Variants in PSAT1 observed in about 807,000 individuals in gnomAD.
PSAT1 encodes phosphoserine aminotransferase.
A neutral mutation model predicts 40.3 loss-of-function variants in PSAT1; 41 were observed. The ratio of observed to expected loss-of-function variants is 1.02; its 90% confidence interval spans 0.79 to 1.32. The LOEUF (loss-of-function observed/expected upper bound fraction) is 1.32. Among genes scored for constraint, PSAT1 ranks in the 40% most tolerant of loss-of-function variants. The probability of loss-of-function intolerance (pLI) is 0.00; values close to 1 mark genes in which losing one functional copy is unlikely to be tolerated. For synonymous variants in PSAT1, 147 were observed against 170.5 expected (o/e 0.86, Z 1.07); for missense variants, 406 against 455.8 (o/e 0.89, Z 0.99).
chr9:78,326,724 C>T (rs569640949), intron 7 of PSAT1, among the ~76,000 whole-genome samples: 142 of 151,728 alleles, frequency 9.4e-4, no homozygotes, highest in African/African-American at 3.3e-3. Flanking sequence ...TTCACTTGCT[C>T]GTAGTTTTTT....
chr9:78,302,291 C>A (rs577942548), intron 3 of PSAT1, among the ~76,000 whole-genome samples: 3 of 152,088 alleles, frequency 2.0e-5, no homozygotes, highest in Non-Finnish European at 4.4e-5. Context: ...AGCACTGTGG[C>A]AGTTAAACTG....
intron 1 of PSAT1, 118 bp from the exon 2 acceptor site, chr9:78,300,484 G>T: frequency 7.7e-7 from 1 of 1,298,482 alleles, no homozygotes; most frequent in Non-Finnish European, 1.0e-6. Context: ...GGGTGGGGAT[G>T]GAAGCCTGGG....
At chr9:78,313,173 C>T (rs566058033) in intron 6 of PSAT1, among the ~76,000 whole-genome samples, 1 of 152,278 alleles carries the variant, frequency 6.6e-6, no homozygotes, top group East Asian at 1.9e-4. Flanking sequence ...CGAGACCAGC[C>T]TGGCCAACAT....
chr9:78,325,825 A>G (rs1828489819), intron 7 of PSAT1, among the ~76,000 whole-genome samples: 1 of 152,194 alleles, frequency 6.6e-6, no homozygotes, highest in Admixed American at 6.5e-5. Flanking sequence ...CACTTTTATG[A>G]CATTATTGCT....
intron 6 of PSAT1, among the ~76,000 whole-genome samples, chr9:78,309,157 C>T (rs1347100324): frequency 6.6e-6 from 1 of 152,082 alleles, no homozygotes; most frequent in East Asian, 1.9e-4. Flanking sequence ...TTTGTTTGGT[C>T]TTGGTAATCC....
At chr9:78,317,543 ATT>A in intron 6 of PSAT1, 131 bp from the exon 7 acceptor site, 1 of 1,140,682 alleles carries the variant, frequency 8.8e-7, no homozygotes, top group East Asian at 2.4e-5. Flanking sequence ...GAGCCACTGC[ATT>A]TGACTATCTT....
intron 2 of PSAT1, 48 bp downstream of exon 2, chr9:78,300,710 CT>C (rs753207413): frequency 0.17 from 183,064 of 1,057,346 alleles, 69 homozygotes; most frequent in Non-Finnish European, 0.18. Flanking sequence ...TCAAAGGAAG[CT>C]TTTTTTTTTT....
chr9:78,297,330 G>C (rs1233418198), intron 1 of PSAT1, 60 bp downstream of exon 1: 25 of 1,537,448 alleles, frequency 1.6e-5, no homozygotes, highest in Non-Finnish European at 2.2e-5. Context: ...CACGCGGGTG[G>C]GTTTGCATCC....
intron 7 of PSAT1, among the ~76,000 whole-genome samples, chr9:78,320,361 TGCCCACCC>T (rs1828411167): frequency 8.7e-6 from 1 of 114,370 alleles, no homozygotes; most frequent in African/African-American, 4.4e-5. Context: ...TCCATCCATC[TGCCCACCC>T]ATCCATCCAT....
intron 6 of PSAT1, among the ~76,000 whole-genome samples, chr9:78,310,734 A>C (rs1929399): frequency 0.29 from 43,694 of 151,464 alleles, 6,495 homozygotes; most frequent in East Asian, 0.45. Context: ...CAGCCTCCCG[A>C]GTAGCTGGGA....
chr9:78,317,859 A>G (rs1828372360), intron 7 of PSAT1, 55 bp downstream of exon 7: 2 of 1,574,026 alleles, frequency 1.3e-6, no homozygotes, highest in Non-Finnish European at 1.7e-6. Context: ...AAAACTGTGT[A>G]TATACTGTGT....
chr9:78,327,954 G>T, intron 7 of PSAT1, 97 bp from the exon 8 acceptor site: 1 of 1,287,012 alleles, frequency 7.8e-7, no homozygotes. Flanking sequence ...TCTTCTGCTT[G>T]CATCTAGGAA....
At chr9:78,305,019 A>G (rs1828161458) in intron 4 of PSAT1, 79 bp downstream of exon 4, 2 of 1,319,818 alleles carry the variant, frequency 1.5e-6, no homozygotes, top group African/African-American at 3.5e-5. Flanking sequence ...GTAGTTTTCA[A>G]TTATTTTCTC....
intron 6 of PSAT1, among the ~76,000 whole-genome samples, chr9:78,317,058 G>A (rs1016103756): frequency 1.3e-5 from 2 of 152,226 alleles, no homozygotes; most frequent in African/African-American, 4.8e-5. Flanking sequence ...AGATAAGGAA[G>A]TGTGTTCTGG....
rs973791729 is a variant in PSAT1 at position 78,306,197 on chromosome 9, G to A, written c.398-117G>A. 3.7e-6 allele frequency: 4 copies of A among 1,084,980 alleles called. No individual in the cohort carries two copies. In the African/African-American group the frequency reaches 6.2e-5, roughly 17 times the overall value. The allele number at this position is 1,084,980 out of a possible 1,614,324, so 67.2% of individuals were successfully genotyped here. A position where few individuals can be genotyped will look rare whatever the true frequency, so the allele number is the denominator to read the frequency against. On this transcript the variant is annotated intron_variant, in intron 4 of 8. Transcript: ENST00000376588. The stretch of plus-strand genomic sequence containing the variant: ...TTGCTTTCACTCGTGCAATGCTTTG[G>A]AGTCAGTTAGTCTTTCCCTGCTAGG...
chr9:78,311,670 A>G (rs1465085155), intron 6 of PSAT1, among the ~76,000 whole-genome samples: 1 of 152,052 alleles, frequency 6.6e-6, no homozygotes, highest in Non-Finnish European at 1.5e-5. Context: ...CGTCTCTACT[A>G]AAAATACAAG....
At position 78,308,592 on chromosome 9, in the gene PSAT1, G is replaced by T. The variant is rs763542719; in HGVS notation, c.740+9G>T. On this transcript the variant is annotated intron_variant, in intron 6 of 8. Transcript: ENST00000376588. ...ACGCCTCCATGTTTCAGGTAACTCTGGGAGTCAGTCTTGTGGACCCAGGGA... is the reference window on the plus strand; with the variant it reads ...ACGCCTCCATGTTTCAGGTAACTCTTGGAGTCAGTCTTGTGGACCCAGGGA... 10 of 1,613,904 alleles carry T rather than the reference G, an allele frequency of 6.2e-6. No homozygotes were observed. Among genetic ancestry groups the T allele is most frequent in the Non-Finnish European group, 7.6e-6 (9 of 1,179,992 alleles).
chr9:78,317,888 T>TATTC, intron 7 of PSAT1, 84 bp downstream of exon 7: 1 of 1,463,312 alleles, frequency 6.8e-7, no homozygotes, highest in South Asian at 1.1e-5. Flanking sequence ...AAAGTGGACA[T>TATTC]ATTCACCTTT....
chr9:78,313,838 G>T (rs1425987976), intron 6 of PSAT1, among the ~76,000 whole-genome samples: 1 of 151,904 alleles, frequency 6.6e-6, no homozygotes, highest in Non-Finnish European at 1.5e-5. Flanking sequence ...ATGGCGACAG[G>T]GTCTCAATAT....
Sources: allele counts gnomAD v4.1 joint callset (sites outside exome capture counted in the v4.1 genomes callset), GRCh38; gene constraint gnomAD v4.1.1; transcripts MANE v1.5; gene names NCBI Gene and HGNC (gene_info 2026-07-23, HGNC 2026-07-21).